SPTBN1: variants seen among roughly 807,000 people sequenced by gnomAD.
SPTBN1 encodes the protein spectrin beta chain, non-erythrocytic 1.
A neutral mutation model predicts 266.4 loss-of-function variants in SPTBN1; 32 were observed. The ratio of observed to expected loss-of-function variants is 0.12; its 90% CI spans 0.09 to 0.16. The LOEUF is 0.16. Among genes scored for constraint, SPTBN1 ranks in the 10% least tolerant of loss-of-function variants. The pLI is 1.00. For missense variants in SPTBN1, 2,296 were observed against 3,067.1 expected, an observed-to-expected ratio of 0.75 and a Z score of 5.94; for synonymous variants, 1,336 against 1,162.2, an observed-to-expected ratio of 1.15 and a Z score of -3.04.
At chr2:54,538,993 G>A (rs1021981400) in intron 2 of SPTBN1, among the ~76,000 whole-genome samples, 1 of 152,284 alleles carries the variant, frequency 6.6e-6, no homozygotes, top group East Asian at 1.9e-4. Context: ...CTGGCCAGGA[G>A]CCCTCTTGCC....
chr2:54,501,660 G>A (rs370478025), intron 1 of SPTBN1, among the ~76,000 whole-genome samples: 2 of 152,202 alleles, frequency 1.3e-5, no homozygotes, highest in East Asian at 1.9e-4. Flanking sequence ...GCTTTGTCTC[G>A]TTACTTGCTC....
intron 1 of SPTBN1, among the ~76,000 whole-genome samples, chr2:54,477,135 A>G (rs1430657674): frequency 6.6e-6 from 1 of 152,170 alleles, no homozygotes; most frequent in East Asian, 1.9e-4. Context: ...AAACAGAGAG[A>G]TAACTTTTGT....
intron 1 of SPTBN1, among the ~76,000 whole-genome samples, chr2:54,507,381 T>G (rs951577286): frequency 7.2e-5 from 11 of 151,822 alleles, no homozygotes; most frequent in Admixed American, 2.6e-4. Flanking sequence ...TATGGAGAGA[T>G]AATGGGCAAT....
chr2:54,576,971 G>C (rs1674528375), intron 2 of SPTBN1, among the ~76,000 whole-genome samples: 1 of 152,178 alleles, frequency 6.6e-6, no homozygotes, highest in Non-Finnish European at 1.5e-5. Flanking sequence ...ATGGGTGCTT[G>C]GGGGTAGGGG....
intron 1 of SPTBN1, among the ~76,000 whole-genome samples, chr2:54,515,501 C>T (rs1670064581): frequency 6.6e-6 from 1 of 151,928 alleles, no homozygotes; most frequent in African/African-American, 2.4e-5. Flanking sequence ...TCATTATTCC[C>T]ATCCCTTATC....
Position 54,599,257 on chromosome 2 carries a change from T to C in SPTBN1, c.300+14T>C. 1 of 1,612,716 alleles carries C rather than the reference T, an allele frequency of 6.2e-7. No homozygotes were observed. Among genetic ancestry groups the C allele is most frequent in the Non-Finnish European group, 8.5e-7 (1 of 1,179,562 alleles). On this transcript the variant is annotated intron_variant, in intron 3 of 35. Transcript: ENST00000356805. ...GGAGAGAGGCTGGTGAGTGGAGACCTTAGGAAGTGCCGTGTGTTGTAGGTG... is the reference window on the plus strand; with the variant it reads ...GGAGAGAGGCTGGTGAGTGGAGACCCTAGGAAGTGCCGTGTGTTGTAGGTG...
intron 1 of SPTBN1, among the ~76,000 whole-genome samples, chr2:54,484,860 T>C (rs547025483): frequency 1.6e-4 from 25 of 152,322 alleles, no homozygotes; most frequent in Admixed American, 1.4e-3. Context: ...ATGACAAGTT[T>C]GATAAGAGTG....
chr2:54,647,007 C>A, intron 23 of SPTBN1, 124 bp from the exon 24 acceptor site: 1 of 1,403,260 alleles, frequency 7.1e-7, no homozygotes, highest in Non-Finnish European at 9.8e-7. Flanking sequence ...GTCCGTACTG[C>A]ACCTCTGGAG....
At chr2:54,618,408 G>A (rs570134287) in intron 7 of SPTBN1, among the ~76,000 whole-genome samples, 12 of 152,342 alleles carry the variant, frequency 7.9e-5, no homozygotes, top group Middle Eastern at 3.4e-3. Context: ...GAAGGAGAGC[G>A]TGTGCGGGCA....
At chr2:54,495,172 G>A (rs1454574012) in intron 1 of SPTBN1, among the ~76,000 whole-genome samples, 1 of 152,166 alleles carries the variant, frequency 6.6e-6, no homozygotes, top group Admixed American at 6.5e-5. Flanking sequence ...GGAGGTTGCA[G>A]GTGTGTGGCA....
intron 18 of SPTBN1, among the ~76,000 whole-genome samples, chr2:54,638,621 G>A (rs991874970): frequency 6.6e-6 from 1 of 152,246 alleles, no homozygotes; most frequent in African/African-American, 2.4e-5. Flanking sequence ...TTGGAGAATA[G>A]TATCTAGCTG....
chr2:54,476,218 T>C (rs13403941), intron 1 of SPTBN1, among the ~76,000 whole-genome samples: 6,315 of 152,206 alleles, frequency 0.041, 178 homozygotes, highest in South Asian at 0.076. Context: ...GGTGGACTGA[T>C]GGGCTAGATG....
At chr2:54,667,122 C>T (rs140524682) in intron 34 of SPTBN1, among the ~76,000 whole-genome samples, 280 of 152,330 alleles carry the variant, frequency 1.8e-3, no homozygotes, top group Non-Finnish European at 2.7e-3. Context: ...ACTAATAGGG[C>T]TTCTTAATTC....
chr2:54,513,164 A>G (rs533652703), intron 1 of SPTBN1, among the ~76,000 whole-genome samples: 1 of 152,314 alleles, frequency 6.6e-6, no homozygotes, highest in African/African-American at 2.4e-5. Flanking sequence ...AACGGAGTGA[A>G]TCCCTGTCTC....
At chr2:54,611,485 T>G (rs1048986677) in intron 3 of SPTBN1, among the ~76,000 whole-genome samples, 1 of 152,130 alleles carries the variant, frequency 6.6e-6, no homozygotes, top group Non-Finnish European at 1.5e-5. Flanking sequence ...TATATATATA[T>G]TTTTTGTTTG....
rs1217791438 is a variant in SPTBN1 at position 54,668,374 on chromosome 2, G to A, written c.6900G>A (p.Gln2300=). ...AGGAGGAAATGAACACATGGATCCA[G>A]GCTATCTCTTCCGCCATCTCCTCTG... ...KDDEEMNTWI[Q]AISSAISSDK... Residue 2300 remains glutamine (Q), a synonymous_variant, in exon 36 of 36, where the codon CAG becomes CAA. Transcript: ENST00000356805. 6.2e-7 allele frequency: 1 copy of A among 1,614,124 alleles called. No individual in the cohort carries two copies. Among genetic ancestry groups the A allele is most frequent in the Non-Finnish European group, 8.5e-7 (1 of 1,180,030 alleles).
intron 2 of SPTBN1, among the ~76,000 whole-genome samples, chr2:54,561,007 A>T (rs1490216312): frequency 6.6e-6 from 1 of 152,232 alleles, no homozygotes; most frequent in Non-Finnish European, 1.5e-5. Flanking sequence ...CATATTTTTG[A>T]TAACATATAA....
chr2:54,618,067 G>A lies in SPTBN1; in HGVS notation c.648-11G>A. The stretch of plus-strand genomic sequence containing the variant: ...ATGATTTTTGTTGTGTCCCACTGTT[G>A]TTCTGCACAGGCCTGACCTGATAGA... On this transcript the variant is annotated splice_polypyrimidine_tract_variant and intron_variant, in intron 6 of 35. Transcript: ENST00000356805. 8.7e-6 allele frequency: 14 copies of A among 1,607,100 alleles called. No homozygotes were observed. Among genetic ancestry groups the A allele is most frequent in the Non-Finnish European group, 1.2e-5 (14 of 1,175,336 alleles).
chr2:54,558,300 T>A lies in SPTBN1; in HGVS notation c.148+31734T>A. 1 of 986,920 alleles carries A rather than the reference T, an allele frequency of 1.0e-6. No individual in the cohort carries two copies. 61.1% of individuals were successfully genotyped at this position (986,920 alleles called of 1,614,324 possible). A position where few individuals can be genotyped will look rare whatever the true frequency, so the allele number is the denominator to read the frequency against. On this transcript the variant is annotated intron_variant, in intron 2 of 35. Coordinates refer to ENST00000356805, the MANE Select transcript of SPTBN1 (RefSeq NM_003128.3). This position sits in a 1 kb window ranked among gnomAD's most constrained non-coding sequence, Gnocchi z 4.6. ...ATAGCCTGCATTTCTAATACAATGC[T>A]GTTATGCTAATCAGGTGACATCACC...
Sources: allele counts gnomAD v4.1 joint callset (sites outside exome capture counted in the v4.1 genomes callset), GRCh38; gene constraint gnomAD v4.1.1; non-coding constraint Gnocchi (gnomAD v3.1); transcripts MANE v1.5; gene names NCBI Gene and HGNC (gene_info 2026-07-23, HGNC 2026-07-21).